WTAP: variants seen among roughly 807,000 people sequenced by gnomAD.
The protein encoded by WTAP is WT1 associated protein, also known as pre-mRNA-splicing regulator WTAP.
WTAP carries 8 observed loss-of-function variants against 50.0 expected under a neutral mutation model. The observed-to-expected ratio is 0.16, with a 90% confidence interval of 0.09 to 0.29. The LOEUF (loss-of-function observed/expected upper bound fraction) is 0.29, where lower values mean the gene tolerates loss of function less well. Ranked by LOEUF, WTAP falls within the 10% of genes least tolerant of loss-of-function variation. The pLI is 1.00. For missense variants in WTAP, 295 were observed against 470.7 expected, an observed-to-expected ratio of 0.63 and a Z score of 3.45; for synonymous variants, 194 against 169.0, an observed-to-expected ratio of 1.15 and a Z score of -1.15.
chr6:159,754,611 T>A (rs1289161341), intron 7 of WTAP, among the ~76,000 whole-genome samples: 1 of 152,228 alleles, frequency 6.6e-6, no homozygotes, highest in Non-Finnish European at 1.5e-5. Context: ...CATATAAACC[T>A]ATGTACATCT....
intron 1 of WTAP, among the ~76,000 whole-genome samples, chr6:159,732,886 A>AGTGTGT (rs67554039): frequency 0.09 from 13,164 of 146,340 alleles, 650 homozygotes; most frequent in East Asian, 0.21. Flanking sequence ...ATATATATAT[A>AGTGTGT]GTGTGTGTGT....
intron 1 of WTAP, among the ~76,000 whole-genome samples, chr6:159,735,412 T>C (rs915502024): frequency 1.3e-5 from 2 of 152,212 alleles, no homozygotes; most frequent in Non-Finnish European, 2.9e-5. Context: ...ATGCTGAGAT[T>C]ACAGTCGTGA....
upstream of WTAP, chr6:159,727,030 G>T: frequency 8.1e-7 from 1 of 1,232,014 alleles, no homozygotes; most frequent in Non-Finnish European, 1.0e-6. Context: ...CGCAGCCGCA[G>T]GTGGCCCCGG....
rs758113418 is a variant in WTAP at position 159,753,357 on chromosome 6, ATATAGT to A, written c.453-99_453-94del. On this transcript the variant is annotated intron_variant, in intron 6 of 7. Transcript: ENST00000621533. The stretch of plus-strand genomic sequence containing the variant: ...TAATTATGGGGAAGCATCTGCTGTG[ATATAGT>A]TATGTTTGTATGTGTTACATCTATC... 5 of 1,488,678 alleles carry A rather than the reference ATATAGT, an allele frequency of 3.4e-6. No individual in the cohort carries two copies. In the East Asian group the frequency reaches 9.1e-5, roughly 27 times the overall value. The allele number at this position is 1,488,678 out of a possible 1,614,324, so 92.2% of individuals were successfully genotyped here.
At chr6:159,730,720 C>T (rs1778513152) in intron 1 of WTAP, among the ~76,000 whole-genome samples, 1 of 152,148 alleles carries the variant, frequency 6.6e-6, no homozygotes, top group African/African-American at 2.4e-5. Flanking sequence ...AAGTTGGATA[C>T]CCCAGACAGC....
intron 1 of WTAP, among the ~76,000 whole-genome samples, chr6:159,729,102 T>C (rs1778407668): frequency 6.6e-6 from 1 of 152,222 alleles, no homozygotes. Flanking sequence ...CCCTGTGATG[T>C]GGAGATGAGC....
At chr6:159,752,098 A>G (rs906829556) in intron 6 of WTAP, among the ~76,000 whole-genome samples, 2 of 152,082 alleles carry the variant, frequency 1.3e-5, no homozygotes, top group Non-Finnish European at 2.9e-5. Flanking sequence ...TGAAAGAACC[A>G]TGCAACACTT....
At chr6:159,753,290 A>G in intron 6 of WTAP, 170 bp from the exon 7 acceptor site, 1 of 981,114 alleles carries the variant, frequency 1.0e-6, no homozygotes, top group Non-Finnish European at 1.5e-6. Context: ...TTGGCAAAAT[A>G]CTGAAATGCA....
At chr6:159,754,660 C>T (rs1278537426) in intron 7 of WTAP, among the ~76,000 whole-genome samples, 1 of 152,032 alleles carries the variant, frequency 6.6e-6, no homozygotes, top group Non-Finnish European at 1.5e-5. Context: ...GTACCTAATA[C>T]AATATAAATG....
intron 3 of WTAP, among the ~76,000 whole-genome samples, 154 bp downstream of exon 3, chr6:159,739,199 T>C (rs1779095498): frequency 6.6e-6 from 1 of 152,226 alleles, no homozygotes; most frequent in African/African-American, 2.4e-5. Flanking sequence ...ACCTATTTCT[T>C]ATATTAACAC....
intron 4 of WTAP, among the ~76,000 whole-genome samples, chr6:159,742,650 A>G (rs1268511696): frequency 6.6e-6 from 1 of 152,128 alleles, no homozygotes; most frequent in Non-Finnish European, 1.5e-5. Context: ...TGAATCACAT[A>G]CTATTTGTTG....
intron 1 of WTAP, among the ~76,000 whole-genome samples, chr6:159,733,172 G>GA (rs3834278): frequency 8.9e-6 from 1 of 112,918 alleles, no homozygotes; most frequent in Non-Finnish European, 2.2e-5. Context: ...CCAATTTAAA[G>GA]AAAAAAAGAA....
rs767115411 is a variant in WTAP at position 159,742,037 on chromosome 6, T to A, written c.87-51T>A. On this transcript the variant is annotated intron_variant, in intron 3 of 7. Coordinates refer to ENST00000621533, the MANE Select transcript of WTAP (RefSeq NM_001270531.2). Reference sequence around the variant, plus strand: ...AGTTTATAGATATCTTCTAGTTTATTTAATAAACTATTTTATCGTAACAAC... The same window carrying A: ...AGTTTATAGATATCTTCTAGTTTATATAATAAACTATTTTATCGTAACAAC... The A allele has an allele frequency of 2.3e-6, 3 of 1,306,438 alleles. No individual in the cohort carries two copies. The South Asian group carries it at 3.8e-5, about 17-fold the overall frequency. 80.9% of individuals were successfully genotyped at this position (1,306,438 alleles called of 1,614,324 possible).
At chr6:159,731,314 A>G (rs1778555914) in intron 1 of WTAP, among the ~76,000 whole-genome samples, 2 of 151,760 alleles carry the variant, frequency 1.3e-5, no homozygotes, top group Non-Finnish European at 1.5e-5. Context: ...GAAAAAAAAA[A>G]CAAATTAGCT....
At position 159,754,882 on chromosome 6, in the gene WTAP, G is replaced by A; in HGVS notation, c.608-146G>A. ...ACTCAGTCATATTTTAAGATTCCAA[G>A]CAAAATTTTTAAATGTAGTGTGATT... On this transcript the variant is annotated intron_variant, in intron 7 of 7. Coordinates refer to ENST00000621533, the MANE Select transcript of WTAP (RefSeq NM_001270531.2). The A allele has an allele frequency of 7.7e-6, 7 of 914,146 alleles. No homozygotes were observed. The South Asian group carries it at 1.6e-4, about 21-fold the overall frequency. The allele number at this position is 914,146 out of a possible 1,614,324, so 56.6% of individuals were successfully genotyped here. A position where few individuals can be genotyped will look rare whatever the true frequency, so the allele number is the denominator to read the frequency against.
intron 6 of WTAP, chr6:159,749,307 A>G (rs1779737168): frequency 1.0e-6 from 1 of 985,742 alleles, no homozygotes; most frequent in African/African-American, 1.7e-5. Context: ...TCCATTCAAC[A>G]GGCACATGTT....
intron 1 of WTAP, among the ~76,000 whole-genome samples, chr6:159,728,768 G>C (rs1369549633): frequency 6.6e-6 from 1 of 152,188 alleles, no homozygotes; most frequent in African/African-American, 2.4e-5. Flanking sequence ...CTTGTGATAA[G>C]GTTGAGGTTA....
intron 5 of WTAP, among the ~76,000 whole-genome samples, chr6:159,744,276 G>A (rs1583093087): frequency 6.6e-6 from 1 of 152,068 alleles, no homozygotes; most frequent in Non-Finnish European, 1.5e-5. Context: ...CTATGTCTAC[G>A]TAGATCTGAA....
At chr6:159,744,472 T>C (rs966611924) in intron 5 of WTAP, among the ~76,000 whole-genome samples, 2 of 152,250 alleles carry the variant, frequency 1.3e-5, no homozygotes, top group Non-Finnish European at 2.9e-5. Flanking sequence ...GTTATTAAAG[T>C]CTTCTAAGAT....
Sources: gnomAD v4.1 joint callset for allele counts (sites outside exome capture counted in the v4.1 genomes callset) on GRCh38, gnomAD v4.1.1 for gene constraint, MANE v1.5 for transcripts, NCBI Gene and HGNC (gene_info 2026-07-23, HGNC 2026-07-21) for gene names.